Variants in FBN1 observed in about 807,000 individuals in gnomAD.
FBN1 encodes fibrillin 1.
FBN1 carries 29 observed loss-of-function variants against 365.1 expected under a neutral mutation model. That is an observed-to-expected ratio of 0.08 (90% CI 0.06 to 0.11). The LOEUF is 0.11. Ranked by LOEUF, FBN1 falls within the 10% of genes least tolerant of loss-of-function variation. FBN1 has a pLI of 1.00. For synonymous variants in FBN1, 1,210 were observed against 1,270.5 expected, an observed-to-expected ratio of 0.95 and a Z score of 1.01; for missense variants, 2,476 against 3,703.2, an observed-to-expected ratio of 0.67 and a Z score of 8.60.
chr15:48,469,636 C>T (rs576368930), intron 36 of FBN1, among the ~76,000 whole-genome samples: 3 of 152,106 alleles, frequency 2.0e-5, no homozygotes, highest in Admixed American at 6.5e-5. Context: ...AACCCTCCTG[C>T]GGGTTGCGCT....
intron 6 of FBN1, among the ~76,000 whole-genome samples, chr15:48,573,184 A>G (rs1211379247): frequency 6.6e-6 from 1 of 152,104 alleles, no homozygotes; most frequent in East Asian, 1.9e-4. Context: ...ATCTTTTGGG[A>G]TTGTCTCAAA....
intron 52 of FBN1, 92 bp from the exon 53 acceptor site, chr15:48,437,169 T>A: frequency 8.8e-7 from 1 of 1,137,434 alleles, no homozygotes. Flanking sequence ...CAAAAGATTA[T>A]CTAATAATGC....
intron 17 of FBN1, 26 bp downstream of exon 17, chr15:48,503,761 G>T: frequency 6.2e-7 from 1 of 1,612,958 alleles, no homozygotes. Context: ...CTGGCAGTAC[G>T]AGGGCATCTC....
At chr15:48,528,810 C>T (rs868509711) in intron 8 of FBN1, among the ~76,000 whole-genome samples, 5 of 152,146 alleles carry the variant, frequency 3.3e-5, no homozygotes, top group African/African-American at 1.2e-4. Flanking sequence ...ACCCTTTTGC[C>T]TTCAGGTGTC....
chr15:48,644,995 C>T, intron 1 of FBN1, 45 bp from the exon 2 acceptor site: 1 of 349,886 alleles, frequency 2.9e-6, no homozygotes, highest in African/African-American at 2.2e-5. Context: ...ACTTTCAGGG[C>T]ATCGGGATGC....
intron 4 of FBN1, among the ~76,000 whole-genome samples, chr15:48,606,618 A>C (rs1368638195): frequency 1.3e-5 from 2 of 152,248 alleles, no homozygotes. Context: ...ATAAAAGGGT[A>C]ACATCAGCGC....
intron 6 of FBN1, among the ~76,000 whole-genome samples, chr15:48,565,258 A>G (rs12905573): frequency 0.13 from 19,699 of 152,132 alleles, 1,337 homozygotes; most frequent in Non-Finnish European, 0.15. Flanking sequence ...CTCCAGAGAG[A>G]AATAAAGCTA....
chr15:48,504,322 C>T (rs757588562), intron 16 of FBN1, among the ~76,000 whole-genome samples: 2 of 152,146 alleles, frequency 1.3e-5, no homozygotes, highest in Non-Finnish European at 2.9e-5. Context: ...TAAATAAGAC[C>T]TTTATTAGAA....
intron 2 of FBN1, among the ~76,000 whole-genome samples, chr15:48,639,511 T>C (rs1890162239): frequency 6.6e-6 from 1 of 152,202 alleles, no homozygotes. Flanking sequence ...ATGGGGTATA[T>C]GTCTCTGGCC....
At chr15:48,545,176 AG>A (rs986843119) in intron 6 of FBN1, among the ~76,000 whole-genome samples, 24 of 152,246 alleles carry the variant, frequency 1.6e-4, no homozygotes, top group Non-Finnish European at 8.8e-5. Flanking sequence ...TCCAAAAACA[AG>A]ATTAGTAGCC....
intron 49 of FBN1, among the ~76,000 whole-genome samples, chr15:48,443,586 G>T (rs1174499664): frequency 6.6e-6 from 1 of 152,056 alleles, no homozygotes; most frequent in Non-Finnish European, 1.5e-5. Flanking sequence ...ACTTAAATTG[G>T]ATATATAATA....
chr15:48,525,504 G>T (rs938555378), intron 9 of FBN1, among the ~76,000 whole-genome samples: 2 of 152,166 alleles, frequency 1.3e-5, no homozygotes, highest in African/African-American at 4.8e-5. Flanking sequence ...GTGGGAGTGT[G>T]GGGGGACAAG....
At chr15:48,533,602 C>T (rs371795438) in intron 8 of FBN1, among the ~76,000 whole-genome samples, 1 of 152,110 alleles carries the variant, frequency 6.6e-6, no homozygotes, top group East Asian at 1.9e-4. Context: ...TACCATCCCC[C>T]AGAAAAGAAA....
At chr15:48,604,079 C>G (rs2044587758) in intron 4 of FBN1, among the ~76,000 whole-genome samples, 2 of 152,180 alleles carry the variant, frequency 1.3e-5, no homozygotes, top group South Asian at 4.1e-4. Flanking sequence ...TAGATTACAG[C>G]CCAGCACAGA....
chr15:48,462,993 T>A, intron 42 of FBN1, 89 bp downstream of exon 42: 38 of 1,305,140 alleles, frequency 2.9e-5, no homozygotes, highest in East Asian at 9.4e-5. Context: ...CAATGCACAC[T>A]TTGCTTCCTT....
chr15:48,478,538 G>A (rs962589644), intron 32 of FBN1, among the ~76,000 whole-genome samples: 3 of 151,620 alleles, frequency 2.0e-5, no homozygotes, highest in African/African-American at 7.3e-5. Context: ...AAATTAGCTT[G>A]TGAAAGCCAG....
intron 6 of FBN1, among the ~76,000 whole-genome samples, chr15:48,574,274 A>G (rs1344717435): frequency 6.6e-6 from 1 of 152,248 alleles, no homozygotes; most frequent in Admixed American, 6.5e-5. Flanking sequence ...TTTTGGAAAT[A>G]GAGAAGTGAT....
At chr15:48,503,208 A>T (rs1193986241) in intron 17 of FBN1, among the ~76,000 whole-genome samples, 1 of 151,506 alleles carries the variant, frequency 6.6e-6, no homozygotes, top group African/African-American at 2.4e-5. Context: ...TGAGGCAGAG[A>T]ATCACTTGAA....
intron 53 of FBN1, among the ~76,000 whole-genome samples, chr15:48,436,364 T>C (rs546308636): frequency 6.6e-6 from 1 of 152,274 alleles, no homozygotes; most frequent in African/African-American, 2.4e-5. Context: ...ACAGACAAAC[T>C]CTCAGCATTT....
Sources: allele counts gnomAD v4.1 joint callset (sites outside exome capture counted in the v4.1 genomes callset), GRCh38; gene constraint gnomAD v4.1.1; transcripts MANE v1.5; gene names NCBI Gene and HGNC (gene_info 2026-07-23, HGNC 2026-07-21).